The following PTPN3 variants were observed in gnomAD, a reference collection of about 807,000 sequenced individuals.
PTPN3 encodes the protein tyrosine-protein phosphatase non-receptor type 3.
Under a neutral mutation model 132.7 loss-of-function variants are expected in PTPN3, and 96 were observed. The ratio of observed to expected loss-of-function variants is 0.72; its 90% CI spans 0.61 to 0.86. The LOEUF is 0.86. Ranked by LOEUF, PTPN3 falls within the 40% of genes least tolerant of loss-of-function variation. The pLI is 0.00. For missense variants in PTPN3, 1,125 were observed against 1,159.6 expected (o/e 0.97, Z 0.43); for synonymous variants, 398 against 429.0 (o/e 0.93, Z 0.89).
intron 9 of PTPN3, 79 bp downstream of exon 9, chr9:109,436,804 T>C: frequency 1.3e-6 from 2 of 1,524,472 alleles, no homozygotes; most frequent in Non-Finnish European, 1.8e-6. Flanking sequence ...AGAAATAGTT[T>C]CATCAAAGAA....
intron 7 of PTPN3, among the ~76,000 whole-genome samples, chr9:109,439,913 A>C (rs1229681987): frequency 8.6e-5 from 13 of 151,980 alleles, no homozygotes; most frequent in Admixed American, 7.2e-4. Context: ...TGTCTCAAAA[A>C]AGAAAAAAAA....
In PTPN3 at chr9:109,379,510, A is replaced by G. The variant is rs896275832; in HGVS notation, c.*46T>C. On this transcript the variant is annotated 3_prime_UTR_variant, in exon 26 of 26. Coordinates refer to ENST00000374541, the MANE Select transcript of PTPN3 (RefSeq NM_002829.4). Reference sequence around the variant, plus strand: ...CAGAGAGGTCTGTCCTCCTCTTTCAAGGAGGATGCCCTTGGGAAAGAGGAA... The same window carrying G: ...CAGAGAGGTCTGTCCTCCTCTTTCAGGGAGGATGCCCTTGGGAAAGAGGAA... 1.2e-5 allele frequency: 19 copies of G among 1,547,848 alleles called. No individual in the cohort carries two copies. The highest frequency in any genetic ancestry group is 2.2e-5 in the South Asian group (2 of 89,650).
chr9:109,516,713 A>T, the PTPN3 span, among the ~76,000 whole-genome samples: 1 of 152,222 alleles, frequency 6.6e-6, no homozygotes, highest in Admixed American at 6.5e-5. Flanking sequence ...CCATCGGGCA[A>T]CAATGATTGT....
At chr9:109,409,454 G>C (rs1214153286) in intron 16 of PTPN3, among the ~76,000 whole-genome samples, 2 of 152,160 alleles carry the variant, frequency 1.3e-5, no homozygotes, top group East Asian at 1.9e-4. Context: ...AAGGTGCTAT[G>C]AATCTAGTGG....
Position 109,404,433 on chromosome 9 carries a change from TC to T in PTPN3, c.1953+14del. 7.2e-7 allele frequency: 1 copy of T among 1,397,244 alleles called. No homozygotes were observed. Among genetic ancestry groups the T allele is most frequent in the Non-Finnish European group, 9.5e-7 (1 of 1,054,404 alleles). The allele number at this position is 1,397,244 out of a possible 1,614,324, so 86.6% of individuals were successfully genotyped here. A position where few individuals can be genotyped will look rare whatever the true frequency, so the allele number is the denominator to read the frequency against. On this transcript the variant is annotated intron_variant, in intron 19 of 25. Coordinates refer to ENST00000374541, the MANE Select transcript of PTPN3 (RefSeq NM_002829.4). The stretch of plus-strand genomic sequence containing the variant: ...GGCGACATGGCAGTGGGATTCAGCC[TC>T]CAGAGGGTCTTACCTCAAACTGGAT...
chr9:109,508,585 T>G, the PTPN3 span, among the ~76,000 whole-genome samples: 1 of 152,220 alleles, frequency 6.6e-6, no homozygotes, highest in Non-Finnish European at 1.5e-5. Flanking sequence ...AAGCAAGATA[T>G]GTGAAGGGCT....
At chr9:109,438,435 T>C (rs1844215245) in intron 7 of PTPN3, among the ~76,000 whole-genome samples, 1 of 152,186 alleles carries the variant, frequency 6.6e-6, no homozygotes, top group Non-Finnish European at 1.5e-5. Flanking sequence ...TAAGATACTA[T>C]CACACATGAT....
chr9:109,437,015 G>T, intron 8 of PTPN3, 45 bp from the exon 9 acceptor site: 1 of 1,610,066 alleles, frequency 6.2e-7, no homozygotes, highest in Non-Finnish European at 8.5e-7. Context: ...AATAAAGAGA[G>T]GGCATTAACT....
In PTPN3 at chr9:109,382,408, C is replaced by T. The variant is rs995426157; in HGVS notation, c.2422G>A (p.Ala808Thr). ...EHTVTHLQYV[A>T]WPDHGVPDDS... The stretch of plus-strand genomic sequence containing the variant: ...TCGGGCACACCGTGGTCAGGCCATG[C>T]GACGTACTGGAGATGTGTCACTGTG... The change falls in exon 24 of 26, where the codon GCA (alanine) becomes ACA (threonine). Residue 808 changes from alanine to threonine, a missense_variant. By Grantham distance (58) the Ala-to-Thr change is moderately conservative. Transcript: ENST00000374541. The T allele has an allele frequency of 5.0e-6, 8 of 1,614,178 alleles. No individual in the cohort carries two copies. Among genetic ancestry groups the T allele is most frequent in the Non-Finnish European group, 6.8e-6 (8 of 1,180,030 alleles).
the PTPN3 span, among the ~76,000 whole-genome samples, chr9:109,535,048 A>G: frequency 6.6e-6 from 1 of 152,218 alleles, no homozygotes; most frequent in East Asian, 1.9e-4. Context: ...AAGTGGGTTA[A>G]TTTTACTTTA....
chr9:109,479,821 C>T (rs1438430826), intron 1 of PTPN3, among the ~76,000 whole-genome samples: 1 of 152,158 alleles, frequency 6.6e-6, no homozygotes, highest in African/African-American at 2.4e-5. Flanking sequence ...TCAAGCGATA[C>T]ACCCTCCCAA....
intron 5 of PTPN3, chr9:109,449,138 G>A: frequency 8.1e-7 from 1 of 1,230,326 alleles, no homozygotes; most frequent in South Asian, 2.1e-5. Context: ...GGTGGAAACA[G>A]CCCACCAAAG....
intron 19 of PTPN3, among the ~76,000 whole-genome samples, chr9:109,401,284 G>A (rs1242468304): frequency 1.3e-5 from 2 of 152,172 alleles, no homozygotes; most frequent in Non-Finnish European, 2.9e-5. Flanking sequence ...CTGGAACAGC[G>A]TGTGCATCAA....
chr9:109,413,907 A>G, intron 14 of PTPN3, among the ~76,000 whole-genome samples: 1 of 152,186 alleles, frequency 6.6e-6, no homozygotes, highest in East Asian at 1.9e-4. Flanking sequence ...TAAACCCTAG[A>G]AAATTAAAGA....
intron 23 of PTPN3, 94 bp downstream of exon 23, chr9:109,383,329 C>A: frequency 6.2e-7 from 1 of 1,603,084 alleles, no homozygotes; most frequent in Non-Finnish European, 8.5e-7. Context: ...CAGGTGCAAA[C>A]AGAGTGCACA....
intron 1 of PTPN3, among the ~76,000 whole-genome samples, chr9:109,481,382 T>A (rs1846952049): frequency 6.6e-6 from 1 of 152,170 alleles, no homozygotes; most frequent in Admixed American, 6.5e-5. Context: ...CCAAAGGGGA[T>A]GGGGAAATGA....
chr9:109,534,647 A>AC, the PTPN3 span, among the ~76,000 whole-genome samples: 1 of 149,788 alleles, frequency 6.7e-6, no homozygotes, highest in African/African-American at 2.4e-5. Context: ...AAAAAAAAAA[A>AC]AAAAAATACC....
chr9:109,421,767 G>T (rs1372502735), intron 13 of PTPN3, among the ~76,000 whole-genome samples: 2 of 152,116 alleles, frequency 1.3e-5, no homozygotes, highest in Non-Finnish European at 2.9e-5. Flanking sequence ...AGAGCATTAG[G>T]CCCCCAGTGA....
intron 14 of PTPN3, chr9:109,417,656 C>A: frequency 1.0e-6 from 1 of 985,206 alleles, no homozygotes; most frequent in Non-Finnish European, 1.2e-6. Flanking sequence ...CACAAAGTGG[C>A]TTCCCACCGG....
Sources: allele counts gnomAD v4.1 joint callset (sites outside exome capture counted in the v4.1 genomes callset), GRCh38; gene constraint gnomAD v4.1.1; transcripts MANE v1.5; gene names NCBI Gene and HGNC (gene_info 2026-07-23, HGNC 2026-07-21).